Variants in TNN observed in about 807,000 individuals in gnomAD.
TNN encodes the protein tenascin-N.
Under a neutral mutation model 134.4 loss-of-function variants are expected in TNN, and 122 were observed. The observed-to-expected ratio is 0.91, with a 90% CI of 0.78 to 1.06. The LOEUF (loss-of-function observed/expected upper bound fraction) is 1.06, where lower values mean the gene tolerates loss of function less well. Ranked by LOEUF, TNN falls within the 50% of genes least tolerant of loss-of-function variation. TNN has a pLI of 0.00. For missense variants in TNN, 1,739 were observed against 1,699.4 expected (o/e 1.02, Z -0.41); for synonymous variants, 710 against 670.3 (o/e 1.06, Z -0.91).
intron 9 of TNN, 148 bp from the exon 10 acceptor site, chr1:175,116,791 G>C: frequency 9.2e-7 from 1 of 1,088,026 alleles, no homozygotes; most frequent in Non-Finnish European, 1.4e-6. Context: ...GTGGGGATAA[G>C]GTCTATATCC....
chr1:175,084,941 G>A (rs1411563057), intron 5 of TNN, among the ~76,000 whole-genome samples: 1 of 152,202 alleles, frequency 6.6e-6, no homozygotes, highest in Admixed American at 6.5e-5. Context: ...ACCATGAGCC[G>A]TGATTGCACC....
At chr1:175,070,275 T>A (rs915247020) in intron 1 of TNN, among the ~76,000 whole-genome samples, 1 of 152,234 alleles carries the variant, frequency 6.6e-6, no homozygotes, top group Admixed American at 6.5e-5. Context: ...ACCATTATCA[T>A]CACTCATTTG....
At chr1:175,118,984 C>G (rs892931067) in intron 11 of TNN, among the ~76,000 whole-genome samples, 160 bp downstream of exon 11, 1 of 152,168 alleles carries the variant, frequency 6.6e-6, no homozygotes, top group Non-Finnish European at 1.5e-5. Flanking sequence ...AAACAAAAAA[C>G]AAACAAAGAA....
At chr1:175,075,734 C>G (rs1232588897) in intron 1 of TNN, among the ~76,000 whole-genome samples, 1 of 152,238 alleles carries the variant, frequency 6.6e-6, no homozygotes, top group Non-Finnish European at 1.5e-5. Context: ...CTGTTCACAT[C>G]TAAGAGGGGT....
intron 6 of TNN, among the ~76,000 whole-genome samples, chr1:175,093,243 C>A (rs139719674): frequency 1.2e-4 from 18 of 152,270 alleles, no homozygotes; most frequent in African/African-American, 4.1e-4. Context: ...TGAAGCAGGA[C>A]CTTGGGTTAG....
chr1:175,084,438 C>T lies in TNN; in HGVS notation c.1234+503C>T, dbSNP rs77255983. 4.6e-3 allele frequency among the ~76,000 whole-genome samples: 697 copies of T among 152,270 alleles called. 3 individuals are homozygous for T. The highest frequency in any genetic ancestry group is 7.1e-3 in the Non-Finnish European group (483 of 68,008). The stretch of plus-strand genomic sequence containing the variant: ...TCTCTGATTTCTGAGCTAATGCTGC[C>T]AAGAGCTAGAGCTCAAATGGCTGCT... On this transcript the variant is annotated intron_variant, in intron 5 of 18. Transcript: ENST00000239462.
intron 6 of TNN, among the ~76,000 whole-genome samples, chr1:175,091,829 A>G (rs1286854564): frequency 6.6e-6 from 1 of 152,064 alleles, no homozygotes; most frequent in East Asian, 1.9e-4. Context: ...GCCTCAAGTG[A>G]TCCACCCAGC....
At position 175,094,057 on chromosome 1, in the gene TNN, C is replaced by T. The variant is rs935675939; in HGVS notation, c.1392C>T (p.Asp464=). 1.2e-6 allele frequency: 2 copies of T among 1,613,988 alleles called. No homozygotes were observed. The highest frequency in any genetic ancestry group is 2.7e-5 in the African/African-American group (2 of 74,932). Residue 464 remains aspartate (D), a synonymous_variant, in exon 7 of 19, where the codon GAC becomes GAT. Coordinates refer to ENST00000239462, the MANE Select transcript of TNN (RefSeq NM_022093.2). ...AAGACACAGCAACTGTCTCCTGGGA[C>T]CCAGTGCAGGCTGTCATAGACAAGT... The part of the protein sequence containing the change: ...VTEDTATVSW[D]PVQAVIDKYV...
In TNN at chr1:175,079,359, G is replaced by A. The variant is rs774115747; in HGVS notation, c.436G>A (p.Gly146Arg). Reference protein sequence around the residue: ...TDLSRHCSGHGTFSLETCSCH... With the variant: ...TDLSRHCSGHRTFSLETCSCH... ...TCTAAGCCGCCACTGCAGCGGCCAC[G>A]GGACCTTCTCCCTGGAGACCTGCAG... The change falls in exon 3 of 19, where the codon GGG (glycine) becomes AGG (arginine). Residue 146 changes from glycine to arginine, a missense_variant. Transcript: ENST00000239462. 3.1e-6 allele frequency: 5 copies of A among 1,597,960 alleles called. No homozygotes were observed. In the South Asian group the frequency reaches 3.3e-5, roughly 11 times the overall value.
chr1:175,103,261 A>C lies in TNN; in HGVS notation c.2119+4666A>C, dbSNP rs182052064. On this transcript the variant is annotated intron_variant, in intron 9 of 18. Coordinates refer to ENST00000239462, the MANE Select transcript of TNN (RefSeq NM_022093.2). Reference sequence around the variant, plus strand: ...TTGAAAGGCGTTGTCTGATTTCAGAAGCCTTTTCCTGTAAACTCCGGGCAG... The same window carrying C: ...TTGAAAGGCGTTGTCTGATTTCAGACGCCTTTTCCTGTAAACTCCGGGCAG... 4.8e-5 allele frequency among the ~76,000 whole-genome samples: 7 copies of C among 146,274 alleles called. 2 individuals are homozygous for C. The highest frequency in any genetic ancestry group is 1.1e-4 in the Non-Finnish European group (7 of 65,822).
chr1:175,116,788 TA>T (rs1167420913), intron 9 of TNN, 150 bp from the exon 10 acceptor site: 2 of 1,061,322 alleles, frequency 1.9e-6, no homozygotes, highest in African/African-American at 3.2e-5. Flanking sequence ...GCTGTGGGGA[TA>T]AGGTCTATAT....
chr1:175,094,296 G>T, intron 7 of TNN, 43 bp downstream of exon 7: 1 of 1,469,958 alleles, frequency 6.8e-7, no homozygotes, highest in Non-Finnish European at 9.1e-7. Context: ...CTCATGGCAG[G>T]GAGAAGGTTG....
Position 175,106,970 on chromosome 1 carries a change from T to G in TNN, c.2119+8375T>G, listed in dbSNP as rs1477229276. On this transcript the variant is annotated intron_variant, in intron 9 of 18. Transcript: ENST00000239462. Reference sequence around the variant, plus strand: ...TGCCCGGTATTTAGCCCCCGAATTCTAAAGAAAGATAGGACAGAATAGCAA... The same window carrying G: ...TGCCCGGTATTTAGCCCCCGAATTCGAAAGAAAGATAGGACAGAATAGCAA... Among the ~76,000 whole-genome samples, 14 of 145,976 alleles carry G rather than the reference T, an allele frequency of 9.6e-5. 3 individuals are homozygous for G. Among genetic ancestry groups the G allele is most frequent in the Non-Finnish European group, 2.1e-4 (14 of 65,790 alleles).
intron 7 of TNN, among the ~76,000 whole-genome samples, chr1:175,096,789 A>T (rs1674581792): frequency 6.6e-6 from 1 of 152,216 alleles, no homozygotes. Context: ...GGAGACAGAC[A>T]CTTAAATTAC....
intron 4 of TNN, among the ~76,000 whole-genome samples, chr1:175,081,816 G>C (rs12691475): frequency 0.28 from 42,864 of 152,054 alleles, 6,146 homozygotes; most frequent in East Asian, 0.32. Flanking sequence ...TAGGTAATTT[G>C]GGGGAAGGTG....
In TNN at chr1:175,104,174, C is replaced by T. The variant is rs970127565; in HGVS notation, c.2119+5579C>T. Among the ~76,000 whole-genome samples the T allele has an allele frequency of 8.2e-5, 12 of 146,144 alleles. 1 individual carries two copies. Among genetic ancestry groups the T allele is most frequent in the Admixed American group, 4.1e-4 (6 of 14,540 alleles). On this transcript the variant is annotated intron_variant, in intron 9 of 18. Coordinates refer to ENST00000239462, the MANE Select transcript of TNN (RefSeq NM_022093.2). The stretch of plus-strand genomic sequence containing the variant: ...GATTACAGGCTGTCCCAGGATTCCT[C>T]GGATGGTAACAGACCTTGAGGACAG...
rs1200172289 is a variant in TNN, at chr1:175,098,351, C to T, written c.1875C>T (p.Asn625=). 2 of 1,614,082 alleles carry T rather than the reference C, an allele frequency of 1.2e-6. No homozygotes were observed. Among genetic ancestry groups the T allele is most frequent in the Non-Finnish European group, 1.7e-6 (2 of 1,180,048 alleles). Residue 625 remains asparagine (N), a synonymous_variant, in exon 9 of 19, where the codon AAC becomes AAT. Coordinates refer to ENST00000239462, the MANE Select transcript of TNN (RefSeq NM_022093.2). ...NAPTDIDSPK[N]LVTDRVTENM... ...TTCCAGATATTGACAGCCCCAAAAA[C>T]CTGGTGACTGACCGGGTGACAGAGA...
Position 175,093,976 on chromosome 1 carries a change from G to A in TNN, c.1325-14G>A. The A allele has an allele frequency of 6.3e-7, 1 of 1,578,746 alleles. No individual in the cohort carries two copies. ...GGTTTCTCTGATTTTTCTTTCTCATGTGTTTTTATGAAGAAATTGACAGTC... is the reference window on the plus strand; with the variant it reads ...GGTTTCTCTGATTTTTCTTTCTCATATGTTTTTATGAAGAAATTGACAGTC... On this transcript the variant is annotated splice_polypyrimidine_tract_variant and intron_variant, in intron 6 of 18. Transcript: ENST00000239462.
intron 9 of TNN, among the ~76,000 whole-genome samples, chr1:175,115,206 T>A (rs1414598935): frequency 1.3e-5 from 2 of 152,060 alleles, no homozygotes; most frequent in Non-Finnish European, 1.5e-5. Flanking sequence ...AGGCACTGAT[T>A]CCCCAGTGGG....
Sources: gnomAD v4.1 joint callset for allele counts (sites outside exome capture counted in the v4.1 genomes callset) on GRCh38, gnomAD v4.1.1 for gene constraint, MANE v1.5 for transcripts, NCBI Gene and HGNC (gene_info 2026-07-23, HGNC 2026-07-21) for gene names.